The following NR3C2 variants were observed in gnomAD, a reference collection of about 807,000 sequenced individuals.
NR3C2 encodes the protein nuclear receptor subfamily 3 group C member 2.
A neutral mutation model predicts 86.4 loss-of-function variants in NR3C2; 15 were observed. That is an observed-to-expected ratio of 0.17 (90% CI 0.12 to 0.27). The LOEUF (loss-of-function observed/expected upper bound fraction) is 0.27, where lower values mean the gene tolerates loss of function less well. NR3C2 is among the 10% of genes least tolerant of loss of function. The pLI is 1.00. For missense variants in NR3C2, 960 were observed against 1,195.6 expected (o/e 0.80, Z 2.91); for synonymous variants, 458 against 450.5 (o/e 1.02, Z -0.21).
intron 3 of NR3C2, among the ~76,000 whole-genome samples, chr4:148,210,240 GA>G (rs1737217509): frequency 6.6e-6 from 1 of 152,108 alleles, no homozygotes; most frequent in South Asian, 2.1e-4. Context: ...ACCCAGGCTG[GA>G]GTGCAGTGGC....
At position 148,436,251 on chromosome 4, in the gene NR3C2, C is replaced by G. The variant is rs1242213053; in HGVS notation, c.610G>C (p.Val204Leu). The G allele has an allele frequency of 6.2e-7, 1 of 1,614,040 alleles. No individual in the cohort carries two copies. The highest frequency in any genetic ancestry group is 1.1e-5 in the South Asian group (1 of 91,078). ...VCSPLNMTSS[V>L]CSPAGINSVS... is the part of the protein sequence containing the mutation. Reference sequence around the variant, plus strand: ...GAGTTGATTCCAGCAGGGCTGCAAACCGAAGATGTCATGTTCAGAGGGCTG... The same window carrying G: ...GAGTTGATTCCAGCAGGGCTGCAAAGCGAAGATGTCATGTTCAGAGGGCTG... Residue 204 changes from valine to leucine, a missense_variant, in exon 2 of 9, where the codon GTT becomes CTT. Physicochemically the swap from Val to Leu is conservative, Grantham distance 32 (BLOSUM62 1). Transcript: ENST00000358102.
intron 2 of NR3C2, among the ~76,000 whole-genome samples, chr4:148,290,363 G>A (rs930552777): frequency 5.3e-5 from 8 of 152,038 alleles, no homozygotes; most frequent in Non-Finnish European, 2.9e-5. Context: ...GTGGGGAGGG[G>A]GCAAAGAGAG....
At chr4:148,315,191 G>A (rs1224267656) in intron 2 of NR3C2, among the ~76,000 whole-genome samples, 1 of 152,060 alleles carries the variant, frequency 6.6e-6, no homozygotes, top group Non-Finnish European at 1.5e-5. Context: ...TACTCACAAA[G>A]TCCAGTAGGG....
chr4:148,293,946 A>G (rs1476283419), intron 2 of NR3C2, among the ~76,000 whole-genome samples: 1 of 152,154 alleles, frequency 6.6e-6, no homozygotes, highest in Non-Finnish European at 1.5e-5. Context: ...CTCTGTGGGG[A>G]CAGGGCCCAT....
chr4:148,208,465 CCT>C (rs1737116445), intron 3 of NR3C2: 1 of 152,264 alleles, frequency 6.6e-6, no homozygotes, highest in African/African-American at 2.4e-5. Context: ...GCCTCATTCC[CCT>C]GTGTCCCATT....
chr4:148,386,675 C>T (rs961641779), intron 2 of NR3C2, among the ~76,000 whole-genome samples: 7 of 152,134 alleles, frequency 4.6e-5, no homozygotes, highest in African/African-American at 7.2e-5. Flanking sequence ...TCAGGCCCCG[C>T]GGTCGCCTAA....
chr4:148,251,858 A>C (rs1739594619), intron 3 of NR3C2, among the ~76,000 whole-genome samples: 1 of 152,200 alleles, frequency 6.6e-6, no homozygotes, highest in Non-Finnish European at 1.5e-5. Flanking sequence ...GAGTATAGCA[A>C]GATAACTGTT....
intron 6 of NR3C2, among the ~76,000 whole-genome samples, chr4:148,141,787 A>C (rs142227555): frequency 4.6e-5 from 7 of 152,122 alleles, no homozygotes; most frequent in African/African-American, 9.7e-5. Flanking sequence ...AACTGTGCAC[A>C]TGAGGGATCT....
At chr4:148,299,343 G>A (rs368870733) in intron 2 of NR3C2, among the ~76,000 whole-genome samples, 29 of 152,242 alleles carry the variant, frequency 1.9e-4, no homozygotes, top group African/African-American at 6.7e-4. Flanking sequence ...TCTTCTGAGG[G>A]TAGAGGAAAC....
At chr4:148,378,099 G>T (rs1006799672) in intron 2 of NR3C2, among the ~76,000 whole-genome samples, 6 of 152,150 alleles carry the variant, frequency 3.9e-5, no homozygotes, top group Non-Finnish European at 7.3e-5. Flanking sequence ...CATAGAGGTT[G>T]TTATAGGAAT....
At chr4:148,240,240 TTA>T (rs890435016) in intron 3 of NR3C2, among the ~76,000 whole-genome samples, 5 of 141,550 alleles carry the variant, frequency 3.5e-5, no homozygotes, top group South Asian at 4.6e-4. Flanking sequence ...TATTTATAAA[TTA>T]TATATATATT....
At chr4:148,347,230 A>T (rs1745039248) in intron 2 of NR3C2, among the ~76,000 whole-genome samples, 1 of 147,092 alleles carries the variant, frequency 6.8e-6, no homozygotes, top group Admixed American at 7.0e-5. Flanking sequence ...TAAATTTCCA[A>T]CTTTTTGTTG....
chr4:148,156,699 T>C (rs1198561585), intron 4 of NR3C2, among the ~76,000 whole-genome samples: 5 of 152,224 alleles, frequency 3.3e-5, no homozygotes, highest in East Asian at 1.9e-4. Context: ...ACTTTTACAC[T>C]GTTGGTGGGA....
At chr4:148,101,950 C>A (rs1171941286) in intron 8 of NR3C2, among the ~76,000 whole-genome samples, 4 of 152,100 alleles carry the variant, frequency 2.6e-5, no homozygotes, top group Admixed American at 2.6e-4. Context: ...CTGGAAACCC[C>A]GTGAGCATTA....
chr4:148,336,684 T>C (rs1263209421), intron 2 of NR3C2, among the ~76,000 whole-genome samples: 1 of 152,208 alleles, frequency 6.6e-6, no homozygotes, highest in Non-Finnish European at 1.5e-5. Flanking sequence ...AGATTTTGGA[T>C]GAAAGCAAGT....
chr4:148,352,406 AT>A (rs1192447738), intron 2 of NR3C2, among the ~76,000 whole-genome samples: 6 of 151,702 alleles, frequency 4.0e-5, no homozygotes. Flanking sequence ...CTATCTATCT[AT>A]CTATCTATCT....
chr4:148,174,910 G>A (rs527792729), intron 4 of NR3C2, among the ~76,000 whole-genome samples: 8 of 152,092 alleles, frequency 5.3e-5, no homozygotes, highest in Middle Eastern at 3.2e-3. Context: ...TACTCCAAAT[G>A]TCTGTAGCAT....
chr4:148,324,076 A>G (rs181380841), intron 2 of NR3C2, among the ~76,000 whole-genome samples: 2 of 152,264 alleles, frequency 1.3e-5, no homozygotes, highest in African/African-American at 2.4e-5. Context: ...TGAGACCATC[A>G]TCTACCACCA....
At chr4:148,398,772 GAAGTT>G (rs1362699887) in intron 2 of NR3C2, among the ~76,000 whole-genome samples, 4 of 152,132 alleles carry the variant, frequency 2.6e-5, no homozygotes, top group African/African-American at 9.7e-5. Context: ...GTAGAGACAA[GAAGTT>G]AAGAAATTCA....
Sources: gnomAD v4.1 joint callset for allele counts (sites outside exome capture counted in the v4.1 genomes callset) on GRCh38, gnomAD v4.1.1 for gene constraint, MANE v1.5 for transcripts, NCBI Gene and HGNC (gene_info 2026-07-23, HGNC 2026-07-21) for gene names.